The following ANXA2 variants were observed in gnomAD, a reference collection of about 807,000 sequenced individuals.
ANXA2 encodes annexin II.
ANXA2 carries 28 observed loss-of-function variants against 47.3 expected under a neutral mutation model. The ratio of observed to expected loss-of-function variants is 0.59; its 90% CI spans 0.44 to 0.81. The LOEUF is 0.81. ANXA2 is among the 40% of genes least tolerant of loss of function. The pLI is 0.00. For synonymous variants in ANXA2, 172 were observed against 155.5 expected (o/e 1.11, Z -0.79); for missense variants, 384 against 414.3 (o/e 0.93, Z 0.64).
intron 1 of ANXA2, among the ~76,000 whole-genome samples, chr15:60,396,579 C>G (rs2063083871): frequency 6.6e-6 from 1 of 152,216 alleles, no homozygotes; most frequent in Admixed American, 6.5e-5. Context: ...CACATTGCCC[C>G]TCACTACCCT....
chr15:60,366,676 GGGGGGGTC>G (rs2062613242), intron 3 of ANXA2, among the ~76,000 whole-genome samples: 1 of 139,118 alleles, frequency 7.2e-6, no homozygotes, highest in Non-Finnish European at 1.6e-5. Context: ...GAGGGAGGTG[GGGGGGGTC>G]AGCCCCCCGC....
intron 11 of ANXA2, among the ~76,000 whole-genome samples, chr15:60,349,925 G>A (rs954095379): frequency 0.011 from 182 of 16,192 alleles, 5 homozygotes; most frequent in Non-Finnish European, 0.02. Flanking sequence ...GGGAGGCAGG[G>A]GAAGGCAGGG....
intron 3 of ANXA2, among the ~76,000 whole-genome samples, chr15:60,372,480 T>C (rs2062723233): frequency 6.6e-6 from 1 of 152,170 alleles, no homozygotes. Flanking sequence ...CCTCCAGGTA[T>C]GTGCTGGAGC....
chr15:60,357,378 A>G, intron 5 of ANXA2, 142 bp from the exon 6 acceptor site: 1 of 579,148 alleles, frequency 1.7e-6, no homozygotes, highest in Non-Finnish European at 2.9e-6. Flanking sequence ...AAGAATCTAT[A>G]CTCCTACCCC....
At chr15:60,368,429 A>G (rs1190924146) in intron 3 of ANXA2, among the ~76,000 whole-genome samples, 1 of 152,176 alleles carries the variant, frequency 6.6e-6, no homozygotes, top group Non-Finnish European at 1.5e-5. Flanking sequence ...TAAAGTAGAA[A>G]AAACACCTGT....
In ANXA2 at chr15:60,386,317, G is replaced by A. The variant is rs1357931451; in HGVS notation, c.-11-231C>T. On this transcript the variant is annotated intron_variant, in intron 1 of 12. Coordinates refer to ENST00000451270, the MANE Select transcript of ANXA2 (RefSeq NM_004039.3). Reference sequence around the variant, plus strand: ...AACTAGCCAGTCTTTCTCTTCCTCTGTGTAAACAGAACCTGGGGAGACTGA... The same window carrying A: ...AACTAGCCAGTCTTTCTCTTCCTCTATGTAAACAGAACCTGGGGAGACTGA... 1.0e-5 allele frequency: 5 copies of A among 495,702 alleles called. No individual in the cohort carries two copies. The South Asian group carries it at 1.4e-4, about 13-fold the overall frequency. The allele number at this position is 495,702 out of a possible 1,614,324, so 30.7% of individuals were successfully genotyped here.
chr15:60,379,861 G>C (rs2062831123), intron 3 of ANXA2, among the ~76,000 whole-genome samples: 1 of 152,170 alleles, frequency 6.6e-6, no homozygotes, highest in African/African-American at 2.4e-5. Context: ...AACTCCAAAA[G>C]GCCTGAAGGT....
intron 1 of ANXA2, 69 bp downstream of exon 1, chr15:60,397,871 CCTT>C: frequency 7.2e-7 from 1 of 1,382,438 alleles, no homozygotes; most frequent in Non-Finnish European, 9.4e-7. Flanking sequence ...CAGGCCGTAC[CCTT>C]CTTCCCAGCG....
intron 5 of ANXA2, among the ~76,000 whole-genome samples, chr15:60,360,297 G>C (rs1411862172): frequency 1.3e-5 from 2 of 152,172 alleles, no homozygotes; most frequent in Non-Finnish European, 2.9e-5. Flanking sequence ...GATATTTTAA[G>C]TATGCACAAA....
intron 10 of ANXA2, 131 bp downstream of exon 10, chr15:60,351,593 A>G (rs972399665): frequency 4.3e-6 from 3 of 694,816 alleles, no homozygotes; most frequent in Non-Finnish European, 7.7e-6. Flanking sequence ...TATACAATTA[A>G]GACTGTAAAA....
At chr15:60,349,259 A>G in intron 11 of ANXA2, 62 bp from the exon 12 acceptor site, 2 of 1,585,656 alleles carry the variant, frequency 1.3e-6, no homozygotes, top group East Asian at 2.2e-5. Flanking sequence ...GAAAGCGTCT[A>G]CAGGTTGAGC....
intron 3 of ANXA2, among the ~76,000 whole-genome samples, chr15:60,372,685 A>G (rs1010386690): frequency 6.7e-6 from 1 of 149,566 alleles, no homozygotes; most frequent in Non-Finnish European, 1.5e-5. Context: ...CAGCTCAACA[A>G]TCTTTCCTTT....
At chr15:60,375,152 G>A (rs1251566922) in intron 3 of ANXA2, among the ~76,000 whole-genome samples, 2 of 152,134 alleles carry the variant, frequency 1.3e-5, no homozygotes, top group Non-Finnish European at 2.9e-5. Flanking sequence ...GAAATCTTAA[G>A]CAGTTCTATT....
intron 4 of ANXA2, among the ~76,000 whole-genome samples, chr15:60,363,357 G>A (rs1046789792): frequency 6.6e-6 from 1 of 152,198 alleles, no homozygotes; most frequent in Non-Finnish European, 1.5e-5. Flanking sequence ...TAGAGTGCGG[G>A]GGATGGAAGT....
intron 3 of ANXA2, among the ~76,000 whole-genome samples, chr15:60,371,455 G>T (rs184500275): frequency 2.6e-5 from 4 of 152,262 alleles, no homozygotes; most frequent in African/African-American, 9.6e-5. Context: ...TCCTCTCTGC[G>T]GGTGGAAACC....
rs943711924 is a variant in ANXA2, at chr15:60,357,225, G to A, written c.369C>T (p.Thr123=). The part of the protein sequence containing the change: ...ELKASMKGLG[T]DEDSLIEIIC... The stretch of plus-strand genomic sequence containing the variant: ...TGATCTCAATGAGAGAGTCCTCGTC[G>A]GTTCCCAGCCCCTGTGAACCAGGAA... Residue 123 remains threonine (T), a synonymous_variant, in exon 6 of 13, where the codon ACC becomes ACT. Transcript: ENST00000451270. 6.2e-6 allele frequency: 10 copies of A among 1,613,864 alleles called. No individual in the cohort carries two copies. Among genetic ancestry groups the A allele is most frequent in the South Asian group, 1.1e-5 (1 of 91,070 alleles).
intron 1 of ANXA2, among the ~76,000 whole-genome samples, chr15:60,389,720 C>G (rs573269054): frequency 2.0e-5 from 3 of 152,298 alleles, no homozygotes; most frequent in African/African-American, 7.2e-5. Flanking sequence ...CAGAGCCCAG[C>G]CTTCAAAGAT....
intron 3 of ANXA2, among the ~76,000 whole-genome samples, chr15:60,381,067 T>C (rs963042765): frequency 4.6e-5 from 7 of 152,106 alleles, no homozygotes; most frequent in African/African-American, 1.7e-4. Flanking sequence ...GGTGACCATG[T>C]AATGTATCCT....
At chr15:60,377,335 A>G (rs896139551) in intron 3 of ANXA2, among the ~76,000 whole-genome samples, 2 of 152,228 alleles carry the variant, frequency 1.3e-5, no homozygotes, top group African/African-American at 4.8e-5. Flanking sequence ...AATTAAGTTT[A>G]CTGCCTTCCA....
Sources: gnomAD v4.1 joint callset for allele counts (sites outside exome capture counted in the v4.1 genomes callset) on GRCh38, gnomAD v4.1.1 for gene constraint, MANE v1.5 for transcripts, NCBI Gene and HGNC (gene_info 2026-07-23, HGNC 2026-07-21) for gene names.